SKP2: variants seen among roughly 807,000 people sequenced by gnomAD.
SKP2 encodes S-phase kinase associated protein 2.
In SKP2, 16 loss-of-function variants were observed where a neutral mutation model predicts 51.8. The observed-to-expected ratio is 0.31, with a 90% CI of 0.21 to 0.47. The LOEUF is 0.47. Ranked by LOEUF, SKP2 falls within the 20% of genes least tolerant of loss-of-function variation. The pLI is 1.00. For missense variants in SKP2, 377 were observed against 505.3 expected (o/e 0.75, Z 2.43); for synonymous variants, 176 against 198.6 (o/e 0.89, Z 0.96).
At chr5:36,155,443 G>A (rs1160948644) in intron 2 of SKP2, among the ~76,000 whole-genome samples, 1 of 152,168 alleles carries the variant, frequency 6.6e-6, no homozygotes, top group Non-Finnish European at 1.5e-5. Context: ...GTGAAATGGA[G>A]TGCTGTAATA....
At chr5:36,153,131 G>A (rs1326019274) in intron 2 of SKP2, 89 bp downstream of exon 2, 55 of 1,315,980 alleles carry the variant, frequency 4.2e-5, no homozygotes, top group Non-Finnish European at 5.6e-5. Context: ...TCTTTAGCAT[G>A]GGTTCCTTTT....
downstream of SKP2, among the ~76,000 whole-genome samples, chr5:36,185,780 T>C (rs1413708162): frequency 2.6e-5 from 4 of 152,226 alleles, no homozygotes; most frequent in African/African-American, 7.2e-5. Flanking sequence ...TTTTTTGCAA[T>C]TCTGTGAAAA....
At chr5:36,166,418 A>G in intron 3 of SKP2, 101 bp from the exon 4 acceptor site, 1 of 952,720 alleles carries the variant, frequency 1.0e-6, no homozygotes, top group Non-Finnish European at 1.6e-6. Flanking sequence ...ATATGCTTCA[A>G]GGAGATTTAG....
intron 2 of SKP2, among the ~76,000 whole-genome samples, chr5:36,160,239 G>A (rs751595508): frequency 4.6e-5 from 7 of 152,170 alleles, no homozygotes; most frequent in East Asian, 1.9e-4. Context: ...GAGGCCCAGC[G>A]TATGGTGTCA....
intron 7 of SKP2, chr5:36,193,293 G>A (rs1746087210): frequency 6.6e-6 from 1 of 151,948 alleles, no homozygotes; most frequent in African/African-American, 2.4e-5. Flanking sequence ...TGACCAACAT[G>A]GTGAATCCCC....
intron 7 of SKP2, among the ~76,000 whole-genome samples, chr5:36,173,169 T>C (rs576485148): frequency 6.6e-6 from 1 of 152,270 alleles, no homozygotes; most frequent in East Asian, 1.9e-4. Context: ...CAAATAGATA[T>C]GCAATAATTT....
rs1393081564 is a variant in SKP2, at chr5:36,166,514, T to C, written c.393-5T>C. 3.0e-5 allele frequency: 48 copies of C among 1,613,692 alleles called. No homozygotes were observed. Among genetic ancestry groups the C allele is most frequent in the Non-Finnish European group, 4.0e-5 (47 of 1,179,810 alleles). On this transcript the variant is annotated splice_polypyrimidine_tract_variant and splice_region_variant and intron_variant, in intron 3 of 9. Coordinates refer to ENST00000274255, the MANE Select transcript of SKP2 (RefSeq NM_005983.4). ...TGGCCAAATTAAGTATCTCCTCTTTTATAGGTCTGATGAGTCTCTATGGCA... is the reference window on the plus strand; with the variant it reads ...TGGCCAAATTAAGTATCTCCTCTTTCATAGGTCTGATGAGTCTCTATGGCA...
Position 36,173,790 on chromosome 5 carries a change from T to G in SKP2, c.901+2057T>G, listed in dbSNP as rs572142880. Among the ~76,000 whole-genome samples the G allele has an allele frequency of 9.2e-5, 14 of 152,244 alleles. No individual in the cohort carries two copies. In the East Asian group the frequency reaches 2.7e-3, roughly 29 times the overall value. Reference sequence around the variant, plus strand: ...ATTATACCATGGGGATAAAAAGTTTTTAATGTCATTAACAATAGCACACAC... The same window carrying G: ...ATTATACCATGGGGATAAAAAGTTTGTAATGTCATTAACAATAGCACACAC... On this transcript the variant is annotated intron_variant, in intron 7 of 9. Transcript: ENST00000274255.
chr5:36,190,140 A>G (rs1204508189), intron 6 of SKP2, among the ~76,000 whole-genome samples: 1 of 152,142 alleles, frequency 6.6e-6, no homozygotes, highest in Non-Finnish European at 1.5e-5. Flanking sequence ...TGGCTAGGAA[A>G]GGGAATTCCC....
rs1458016332 is a variant in SKP2, at chr5:36,155,913, G to GA, written c.280+2875dup. On this transcript the variant is annotated intron_variant, in intron 2 of 9. Coordinates refer to ENST00000274255, the MANE Select transcript of SKP2 (RefSeq NM_005983.4). ...AGGAATTTGCAAGTCAAGTTGAGGA[G>GA]AAAATACAATAAAAAATAAGAGCTG... Among the ~76,000 whole-genome samples the GA allele has an allele frequency of 2.6e-5, 4 of 152,214 alleles. No individual in the cohort carries two copies. The East Asian group carries it at 5.8e-4, about 22-fold the overall frequency.
At chr5:36,191,297 T>C (rs1281633660) in intron 6 of SKP2, among the ~76,000 whole-genome samples, 1 of 151,776 alleles carries the variant, frequency 6.6e-6, no homozygotes, top group Non-Finnish European at 1.5e-5. Context: ...AGGATGCTGC[T>C]AACCATCCGA....
intron 2 of SKP2, among the ~76,000 whole-genome samples, chr5:36,159,616 G>A (rs759174233): frequency 2.0e-5 from 3 of 152,158 alleles, no homozygotes; most frequent in Non-Finnish European, 4.4e-5. Flanking sequence ...CCCAGCACTC[G>A]TGCCCTTGGT....
At chr5:36,171,802 C>T in intron 7 of SKP2, 69 bp downstream of exon 7, 2 of 1,468,958 alleles carry the variant, frequency 1.4e-6, no homozygotes, top group South Asian at 2.3e-5. Context: ...TGAGCTTCTC[C>T]TAATCATTCC....
At chr5:36,152,379 A>G (rs751609180) in intron 1 of SKP2, 109 bp downstream of exon 1, 8 of 1,052,578 alleles carry the variant, frequency 7.6e-6, no homozygotes, top group Non-Finnish European at 1.2e-5. Context: ...TGTTAAGTGA[A>G]TGGTTGCTTA....
chr5:36,185,224 A>T (rs1745936836), downstream of SKP2, among the ~76,000 whole-genome samples: 1 of 152,114 alleles, frequency 6.6e-6, no homozygotes, highest in Non-Finnish European at 1.5e-5. Context: ...GTTCACTCTG[A>T]TGGTAGTTTC....
At chr5:36,178,643 C>T (rs1288626312) in intron 9 of SKP2, among the ~76,000 whole-genome samples, 1 of 152,092 alleles carries the variant, frequency 6.6e-6, no homozygotes, top group East Asian at 1.9e-4. Flanking sequence ...AAAAAGGCTT[C>T]TTTGTCATCC....
At chr5:36,163,234 T>C (rs1374441299) in intron 2 of SKP2, among the ~76,000 whole-genome samples, 2 of 152,224 alleles carry the variant, frequency 1.3e-5, no homozygotes, top group African/African-American at 4.8e-5. Flanking sequence ...ATCTTATTGA[T>C]GTCAATGAAT....
intron 9 of SKP2, among the ~76,000 whole-genome samples, chr5:36,180,919 A>G (rs1745788560): frequency 6.6e-6 from 1 of 152,186 alleles, no homozygotes; most frequent in Admixed American, 6.5e-5. Context: ...TTTGTACTGT[A>G]TGTCCCAACC....
chr5:36,162,672 AAATGAC>A (rs1451711562), intron 2 of SKP2, among the ~76,000 whole-genome samples: 2 of 152,240 alleles, frequency 1.3e-5, no homozygotes, highest in Non-Finnish European at 2.9e-5. Flanking sequence ...TTGAATTAAG[AAATGAC>A]AATACCCTTT....
Sources: gnomAD v4.1 joint callset for allele counts (sites outside exome capture counted in the v4.1 genomes callset) on GRCh38, gnomAD v4.1.1 for gene constraint, MANE v1.5 for transcripts, NCBI Gene and HGNC (gene_info 2026-07-23, HGNC 2026-07-21) for gene names.